Variants in TNR observed in about 807,000 individuals in gnomAD.
TNR encodes tenascin R, also known as tenascin-R.
A neutral mutation model predicts 150.4 loss-of-function variants in TNR; 45 were observed. The observed-to-expected ratio is 0.30, with a 90% CI of 0.24 to 0.38. The LOEUF (loss-of-function observed/expected upper bound fraction) is 0.38, where lower values mean the gene tolerates loss of function less well. Ranked by LOEUF, TNR falls within the 10% of genes least tolerant of loss-of-function variation. The pLI is 1.00. For missense variants in TNR, 1,544 were observed against 1,759.1 expected, an observed-to-expected ratio of 0.88 and a Z score of 2.19; for synonymous variants, 687 against 678.4, an observed-to-expected ratio of 1.01 and a Z score of -0.20.
chr1:175,693,885 T>C (rs1330755169), intron 1 of TNR, among the ~76,000 whole-genome samples: 1 of 152,198 alleles, frequency 6.6e-6, no homozygotes, highest in Non-Finnish European at 1.5e-5. Context: ...TTTCAACTGC[T>C]CTCTTGTCCT....
chr1:175,570,750 A>AT (rs1661832770), intron 1 of TNR, among the ~76,000 whole-genome samples: 1 of 152,058 alleles, frequency 6.6e-6, no homozygotes, highest in African/African-American at 2.4e-5. Flanking sequence ...ACTCCTTTAT[A>AT]AAAGGAGTCA....
At chr1:175,387,267 G>GCC (rs1652982362) in intron 7 of TNR, among the ~76,000 whole-genome samples, 1 of 152,244 alleles carries the variant, frequency 6.6e-6, no homozygotes, top group Admixed American at 6.5e-5. Flanking sequence ...TGGCCAACAT[G>GCC]CTCTTGCCTC....
rs1008707796 is a variant in TNR, at chr1:175,564,776, C to T, written c.-164-36407G>A. 5.3e-5 allele frequency among the ~76,000 whole-genome samples: 8 copies of T among 152,178 alleles called. No individual in the cohort carries two copies. In the South Asian group the frequency reaches 1.7e-3, roughly 31 times the overall value. On this transcript the variant is annotated intron_variant, in intron 1 of 22. Transcript: ENST00000367674. Reference sequence around the variant, plus strand: ...TTCTTGCTGTATTGAAGCAGGCAGGCCCTGGGAACCCAGATGGCTTTGATA... The same window carrying T: ...TTCTTGCTGTATTGAAGCAGGCAGGTCCTGGGAACCCAGATGGCTTTGATA...
rs1265555432 is a variant in TNR at position 175,316,319 on chromosome 1, A to T, written c.*7038T>A. The T allele has an allele frequency of 6.6e-6, 1 of 152,214 alleles. No homozygotes were observed. Among genetic ancestry groups the T allele is most frequent in the Non-Finnish European group, 1.5e-5 (1 of 68,052 alleles). The allele number at this position is 152,214 out of a possible 1,614,324, so 9.4% of individuals were successfully genotyped here. On this transcript the variant is annotated 3_prime_UTR_variant, in exon 23 of 23. Transcript: ENST00000367674. ...AGAAACCAGGGGGATAAGTAAACTG[A>T]ATGTATCTCCTGCCTTCTAGCCTCA...
intron 2 of TNR, among the ~76,000 whole-genome samples, chr1:175,420,630 A>ATTTGT (rs1321506140): frequency 6.6e-6 from 1 of 152,224 alleles, no homozygotes; most frequent in Non-Finnish European, 1.5e-5. Context: ...GAGTCAGAAT[A>ATTTGT]ACAGAACACC....
intron 2 of TNR, among the ~76,000 whole-genome samples, chr1:175,522,943 T>C (rs924754262): frequency 3.9e-5 from 6 of 152,234 alleles, no homozygotes; most frequent in Admixed American, 1.3e-4. Flanking sequence ...CTATGATCAA[T>C]TCTCATCTGT....
At chr1:175,652,643 G>T (rs1336461137) in intron 1 of TNR, among the ~76,000 whole-genome samples, 2 of 152,054 alleles carry the variant, frequency 1.3e-5, no homozygotes, top group African/African-American at 4.8e-5. Flanking sequence ...GCACTTCCCC[G>T]TTAGCTCTCT....
intron 1 of TNR, among the ~76,000 whole-genome samples, chr1:175,695,215 C>G (rs1666478893): frequency 6.6e-6 from 1 of 152,212 alleles, no homozygotes; most frequent in Admixed American, 6.5e-5. Flanking sequence ...GGGAAGCCAG[C>G]TGCCACATCA....
Position 175,403,477 on chromosome 1 carries a change from C to A in TNR, c.639G>T (p.Val213=). The part of the protein sequence containing the change: ...YCPLGCSSRG[V]CVDGQCICDS... ...CACAGATGCACTGGCCATCCACACA[C>A]ACCCCCCGGCTGGAGCAACCCAGCG... Residue 213 remains valine, a synonymous_variant, in exon 4 of 23, where the codon GTG becomes GTT. Coordinates refer to ENST00000367674, the MANE Select transcript of TNR (RefSeq NM_003285.3). 2 of 1,614,242 alleles carry A rather than the reference C, an allele frequency of 1.2e-6. No individual in the cohort carries two copies. The highest frequency in any genetic ancestry group is 2.2e-5 in the East Asian group (1 of 44,874).
At chr1:175,545,708 C>T (rs1266155317) in intron 1 of TNR, among the ~76,000 whole-genome samples, 2 of 152,186 alleles carry the variant, frequency 1.3e-5, no homozygotes, top group Non-Finnish European at 2.9e-5. Context: ...CTATGATTCC[C>T]ATCAAACAGA....
chr1:175,379,468 T>G, intron 9 of TNR, 84 bp downstream of exon 9: 1 of 1,304,858 alleles, frequency 7.7e-7, no homozygotes, highest in East Asian at 2.3e-5. Context: ...GGCCATGGGT[T>G]TGTAAGATGT....
Position 175,426,629 on chromosome 1 carries a change from A to G in TNR, c.-63-19852T>C, listed in dbSNP as rs987898981. 1.2e-4 allele frequency among the ~76,000 whole-genome samples: 18 copies of G among 151,804 alleles called. 1 individual carries two copies. Among genetic ancestry groups the G allele is most frequent in the Admixed American group, 1.2e-3 (18 of 15,198 alleles). On this transcript the variant is annotated intron_variant, in intron 2 of 22. Coordinates refer to ENST00000367674, the MANE Select transcript of TNR (RefSeq NM_003285.3). The stretch of plus-strand genomic sequence containing the variant: ...TGGCTCAAGGAAGTCCTGTTTCATC[A>G]TGGCCAATTTAGAAAAGGGATGTTC...
chr1:175,713,930 G>A (rs544083480), intron 1 of TNR, among the ~76,000 whole-genome samples: 28 of 152,258 alleles, frequency 1.8e-4, no homozygotes, highest in African/African-American at 3.1e-4. Context: ...TAAATAAGGC[G>A]TAAATGTGCT....
At chr1:175,424,979 G>A (rs1654910501) in intron 2 of TNR, among the ~76,000 whole-genome samples, 1 of 152,086 alleles carries the variant, frequency 6.6e-6, no homozygotes, top group Non-Finnish European at 1.5e-5. Context: ...AGCAGACCTG[G>A]GGGGCCTGGG....
chr1:175,666,526 C>T (rs985714797), intron 1 of TNR, among the ~76,000 whole-genome samples: 2 of 152,196 alleles, frequency 1.3e-5, no homozygotes, highest in Admixed American at 6.5e-5. Flanking sequence ...GTGCTGAAGC[C>T]TCTAGAGAGC....
At chr1:175,419,909 C>T (rs12743133) in intron 2 of TNR, among the ~76,000 whole-genome samples, 17,022 of 152,022 alleles carry the variant, frequency 0.11, 1,060 homozygotes, top group South Asian at 0.17. Flanking sequence ...CTTAATTTGC[C>T]GCTCCAGAGC....
chr1:175,690,651 A>AG (rs1666333654), intron 1 of TNR, among the ~76,000 whole-genome samples: 1 of 152,238 alleles, frequency 6.6e-6, no homozygotes, highest in South Asian at 2.1e-4. Context: ...CTTAAGTGCC[A>AG]GGGGGAGCCA....
intron 2 of TNR, among the ~76,000 whole-genome samples, chr1:175,508,560 C>T (rs549539546): frequency 2.8e-4 from 43 of 152,336 alleles, no homozygotes; most frequent in African/African-American, 9.9e-4. Flanking sequence ...CTTTTTCACT[C>T]TCAAACTGCT....
At chr1:175,541,179 C>T (rs138502210) in intron 1 of TNR, among the ~76,000 whole-genome samples, 7 of 152,278 alleles carry the variant, frequency 4.6e-5, no homozygotes, top group African/African-American at 1.7e-4. Flanking sequence ...ACCTCCCCTC[C>T]TTGTACCATA....
Sources: allele counts gnomAD v4.1 joint callset (sites outside exome capture counted in the v4.1 genomes callset), GRCh38; gene constraint gnomAD v4.1.1; transcripts MANE v1.5; gene names NCBI Gene and HGNC (gene_info 2026-07-23, HGNC 2026-07-21).